Variants in TBC1D12 observed in about 807,000 individuals in gnomAD.
TBC1D12 encodes TBC1 domain family member 12.
In TBC1D12, 56 loss-of-function variants were observed where a neutral mutation model predicts 86.7. The observed-to-expected ratio is 0.65, with a 90% CI of 0.52 to 0.81. The LOEUF (loss-of-function observed/expected upper bound fraction) is 0.81. Ranked by LOEUF, TBC1D12 falls within the 30% of genes least tolerant of loss-of-function variation. The pLI is 0.00. For synonymous variants in TBC1D12, 421 were observed against 411.7 expected (o/e 1.02, Z -0.27); for missense variants, 1,023 against 1,038.8 (o/e 0.98, Z 0.21).
In TBC1D12 at chr10:94,402,650, A is replaced by G. The variant is rs2054782118; in HGVS notation, c.37A>G (p.Arg13Gly). The change falls in exon 1 of 13, where the codon AGA becomes GGA. Residue 13 changes from arginine to glycine, a missense_variant. Transcript: ENST00000225235. ...GGAGGATGCCGGAGCCTGCTCGGGAAGAAACCCCAAGTTGCTCCCGGTGCC... is the reference window on the plus strand; with the variant it reads ...GGAGGATGCCGGAGCCTGCTCGGGAGGAAACCCCAAGTTGCTCCCGGTGCC... Reference protein sequence around the residue: ...GPEDAGACSGRNPKLLPVPAP... With the variant: ...GPEDAGACSGGNPKLLPVPAP... The G allele has an allele frequency of 9.3e-6, 15 of 1,611,630 alleles. No homozygotes were observed. The highest frequency in any genetic ancestry group is 1.3e-5 in the Non-Finnish European group (15 of 1,179,548).
intron 1 of TBC1D12, among the ~76,000 whole-genome samples, chr10:94,410,294 AT>A (rs1476699287): frequency 6.6e-6 from 1 of 152,240 alleles, no homozygotes; most frequent in African/African-American, 2.4e-5. Context: ...TAGGGGCAGT[AT>A]TTACAAGATT....
chr10:94,425,614 A>G (rs1410220055), intron 1 of TBC1D12, among the ~76,000 whole-genome samples: 1 of 152,174 alleles, frequency 6.6e-6, no homozygotes, highest in Non-Finnish European at 1.5e-5. Context: ...CAACTCAACC[A>G]ACTAGTAAGA....
At chr10:94,438,695 A>T (rs2055338249) in intron 1 of TBC1D12, among the ~76,000 whole-genome samples, 4 of 152,090 alleles carry the variant, frequency 2.6e-5, no homozygotes, top group Admixed American at 2.6e-4. Context: ...CTTATGAAAG[A>T]TCGGTAGCCT....
chr10:94,453,330 A>G (rs942277559), intron 2 of TBC1D12, among the ~76,000 whole-genome samples: 3 of 152,142 alleles, frequency 2.0e-5, no homozygotes, highest in Admixed American at 6.5e-5. Flanking sequence ...ATCCATGGTC[A>G]GCTGCAGTCT....
intron 9 of TBC1D12, among the ~76,000 whole-genome samples, chr10:94,517,683 T>G (rs1024932731): frequency 3.9e-5 from 6 of 152,176 alleles, no homozygotes; most frequent in African/African-American, 1.2e-4. Flanking sequence ...AAGTTAAAAA[T>G]AGTGTAGACT....
At chr10:94,456,631 A>G (rs1025361348) in intron 2 of TBC1D12, among the ~76,000 whole-genome samples, 1 of 152,190 alleles carries the variant, frequency 6.6e-6, no homozygotes, top group Non-Finnish European at 1.5e-5. Flanking sequence ...CTTGAGAAGA[A>G]TGTTTCCTCT....
intron 3 of TBC1D12, among the ~76,000 whole-genome samples, chr10:94,487,847 C>T (rs577402213): frequency 4.0e-5 from 6 of 149,380 alleles, no homozygotes; most frequent in Admixed American, 3.4e-4. Context: ...CAGGTGCATG[C>T]CACCATACCC....
rs201293508 is a variant in TBC1D12 at position 94,417,698 on chromosome 10, T to TA, written c.971+14122dup. Among the ~76,000 whole-genome samples the TA allele has an allele frequency of 4.0e-4, 61 of 151,506 alleles. No homozygotes were observed. The East Asian group carries it at 0.01, about 26-fold the overall frequency. On this transcript the variant is annotated intron_variant, in intron 1 of 12. Coordinates refer to ENST00000225235, the MANE Select transcript of TBC1D12 (RefSeq NM_015188.2). ...GCCATTTTTGAGGATTGAAAGAGATTAAAAAAAATTGAGACTTCCATAATT... is the reference window on the plus strand; with the variant it reads ...GCCATTTTTGAGGATTGAAAGAGATTAAAAAAAAATTGAGACTTCCATAATT...
At chr10:94,444,251 A>G (rs1400883126) in intron 2 of TBC1D12, among the ~76,000 whole-genome samples, 1 of 150,818 alleles carries the variant, frequency 6.6e-6, no homozygotes, top group Non-Finnish European at 1.5e-5. Context: ...GCAGTTACTA[A>G]GTGTTAGGAA....
Position 94,403,021 on chromosome 10 carries a change from C to T in TBC1D12, c.408C>T (p.Gly136=), listed in dbSNP as rs2054790994. Residue 136 remains glycine (G), a synonymous_variant, in exon 1 of 13, where the codon GGC becomes GGT. Coordinates refer to ENST00000225235, the MANE Select transcript of TBC1D12 (RefSeq NM_015188.2). ...RAPRHEGMTN[G]DSGFLPGRDC... ...CGCGGCACGAAGGCATGACCAACGG[C>T]GACTCGGGTTTTCTGCCGGGCCGGG... 1 of 1,572,212 alleles carries T rather than the reference C, an allele frequency of 6.4e-7. No homozygotes were observed. Among genetic ancestry groups the T allele is most frequent in the Non-Finnish European group, 8.6e-7 (1 of 1,163,478 alleles).
chr10:94,440,143 A>G (rs1289990214), intron 1 of TBC1D12, among the ~76,000 whole-genome samples: 1 of 151,984 alleles, frequency 6.6e-6, no homozygotes, highest in East Asian at 1.9e-4. Flanking sequence ...TATACACCTG[A>G]GGAAATAAGA....
At chr10:94,405,785 C>T (rs1224404591) in intron 1 of TBC1D12, among the ~76,000 whole-genome samples, 3 of 151,622 alleles carry the variant, frequency 2.0e-5, no homozygotes, top group African/African-American at 4.9e-5. Flanking sequence ...AAGACAGATG[C>T]ATATATATAC....
chr10:94,463,300 A>G (rs1436090693), intron 2 of TBC1D12, among the ~76,000 whole-genome samples: 1 of 152,206 alleles, frequency 6.6e-6, no homozygotes, highest in Non-Finnish European at 1.5e-5. Context: ...TTTATTTCTT[A>G]CAGTTACAGA....
At chr10:94,422,185 GTTTT>G (rs57798611) in intron 1 of TBC1D12, among the ~76,000 whole-genome samples, 2 of 106,814 alleles carry the variant, frequency 1.9e-5, no homozygotes, top group Non-Finnish European at 1.9e-5. Flanking sequence ...GGTTCATGTA[GTTTT>G]TTTTTTTTTT....
intron 1 of TBC1D12, among the ~76,000 whole-genome samples, chr10:94,431,104 C>T (rs2055209130): frequency 6.6e-6 from 1 of 152,028 alleles, no homozygotes; most frequent in Non-Finnish European, 1.5e-5. Context: ...CAAGATGTAT[C>T]ACAGAATGAA....
chr10:94,431,548 C>T (rs1312521617), intron 1 of TBC1D12, among the ~76,000 whole-genome samples: 4 of 152,030 alleles, frequency 2.6e-5, no homozygotes, highest in Admixed American at 6.6e-5. Context: ...TAGGTAACAC[C>T]TTTAGCAACC....
intron 1 of TBC1D12, among the ~76,000 whole-genome samples, chr10:94,427,159 C>T (rs1457648179): frequency 6.6e-6 from 1 of 152,200 alleles, no homozygotes; most frequent in Admixed American, 6.5e-5. Context: ...AAGGTATTTA[C>T]ACATATGGTT....
intron 1 of TBC1D12, among the ~76,000 whole-genome samples, chr10:94,437,657 G>C (rs1156232513): frequency 6.6e-6 from 1 of 151,916 alleles, no homozygotes; most frequent in Non-Finnish European, 1.5e-5. Flanking sequence ...TTTATGGTAC[G>C]TAGTTGGTAC....
chr10:94,490,886 T>C (rs1488154598), intron 3 of TBC1D12, among the ~76,000 whole-genome samples: 1 of 152,148 alleles, frequency 6.6e-6, no homozygotes, highest in Admixed American at 6.5e-5. Context: ...GGTGGTTCTT[T>C]CTCTGGCTGT....
Sources: gnomAD v4.1 joint callset for allele counts (sites outside exome capture counted in the v4.1 genomes callset) on GRCh38, gnomAD v4.1.1 for gene constraint, MANE v1.5 for transcripts, NCBI Gene and HGNC (gene_info 2026-07-23, HGNC 2026-07-21) for gene names.